The following FRMD5 variants were observed in gnomAD, a reference collection of about 807,000 sequenced individuals.
FRMD5 encodes FERM domain containing 5, also known as FERM domain-containing protein 5.
Under a neutral mutation model 69.0 loss-of-function variants are expected in FRMD5, and 20 were observed. The observed-to-expected ratio is 0.29, with a 90% confidence interval of 0.20 to 0.42. The LOEUF (loss-of-function observed/expected upper bound fraction) is 0.42, where lower values mean the gene tolerates loss of function less well. FRMD5 is among the 10% of genes least tolerant of loss of function. FRMD5 has a pLI of 1.00. For synonymous variants in FRMD5, 271 were observed against 260.1 expected (o/e 1.04, Z -0.40); for missense variants, 595 against 708.6 (o/e 0.84, Z 1.82).
intron 7 of FRMD5, among the ~76,000 whole-genome samples, chr15:43,892,866 G>A (rs1390680149): frequency 6.6e-6 from 1 of 152,200 alleles, no homozygotes; most frequent in East Asian, 1.9e-4. Context: ...CACTTTGGGA[G>A]GCCGAGGCAG....
At chr15:44,011,605 T>C (rs1414077518) in intron 1 of FRMD5, among the ~76,000 whole-genome samples, 1 of 152,158 alleles carries the variant, frequency 6.6e-6, no homozygotes, top group Non-Finnish European at 1.5e-5. Context: ...TGTGAGACTA[T>C]TATGCATACA....
intron 1 of FRMD5, among the ~76,000 whole-genome samples, chr15:44,147,696 C>T (rs1223421915): frequency 2.0e-5 from 3 of 152,158 alleles, no homozygotes; most frequent in Admixed American, 6.5e-5. Context: ...CCCACCTAGA[C>T]AACAAATCTG....
intron 1 of FRMD5, among the ~76,000 whole-genome samples, chr15:44,102,971 C>T (rs879707442): frequency 6.6e-6 from 1 of 152,166 alleles, no homozygotes; most frequent in African/African-American, 2.4e-5. Flanking sequence ...GAACAAAAGC[C>T]TTGCCTACAC....
chr15:43,891,968 T>C lies in FRMD5; in HGVS notation c.728+13A>G. The stretch of plus-strand genomic sequence containing the variant: ...AGATATAAAGAGCCTATTTTGGAAA[T>C]GAAGATGCTCACCATTTAATGAAGT... On this transcript the variant is annotated intron_variant, in intron 8 of 13. Transcript: ENST00000417257. The C allele has an allele frequency of 6.2e-7, 1 of 1,611,136 alleles. No individual in the cohort carries two copies. The highest frequency in any genetic ancestry group is 8.5e-7 in the Non-Finnish European group (1 of 1,177,306).
intron 1 of FRMD5, among the ~76,000 whole-genome samples, chr15:44,012,236 G>C (rs566653395): frequency 1.3e-5 from 2 of 152,214 alleles, no homozygotes; most frequent in South Asian, 2.1e-4. Flanking sequence ...AATGGACTGC[G>C]GATAGAGAGG....
chr15:43,922,668 C>CT (rs397970648), intron 2 of FRMD5, among the ~76,000 whole-genome samples: 6,123 of 139,760 alleles, frequency 0.044, 377 homozygotes, highest in African/African-American at 0.14. Flanking sequence ...ACTGGCCCTC[C>CT]TTTTTTTTTT....
intron 1 of FRMD5, among the ~76,000 whole-genome samples, chr15:44,105,402 C>T (rs2076702533): frequency 2.0e-5 from 3 of 152,180 alleles, no homozygotes; most frequent in African/African-American, 7.2e-5. Context: ...GTGTGGAAGG[C>T]AAAATTTCTT....
chr15:44,064,115 T>C (rs985301002), intron 1 of FRMD5: 2 of 215,248 alleles, frequency 9.3e-6, no homozygotes, highest in Non-Finnish European at 1.8e-5. Flanking sequence ...GGCTGTGGAA[T>C]TTTCCAGAAC....
At chr15:43,893,716 G>C (rs1484591752) in intron 7 of FRMD5, among the ~76,000 whole-genome samples, 2 of 152,118 alleles carry the variant, frequency 1.3e-5, no homozygotes, top group African/African-American at 4.8e-5. Context: ...GAGGCTGCTG[G>C]GCCAGGTCAG....
At chr15:44,052,804 G>C (rs1383117993) in intron 1 of FRMD5, among the ~76,000 whole-genome samples, 3 of 152,134 alleles carry the variant, frequency 2.0e-5, no homozygotes, top group Non-Finnish European at 4.4e-5. Flanking sequence ...GGGCCTTAGA[G>C]AATACTGAAT....
At chr15:44,112,758 G>A (rs970842942) in intron 1 of FRMD5, among the ~76,000 whole-genome samples, 4 of 149,966 alleles carry the variant, frequency 2.7e-5, no homozygotes, top group African/African-American at 4.9e-5. Flanking sequence ...CTGAGCCACC[G>A]CGCCTGGCCT....
intron 1 of FRMD5, among the ~76,000 whole-genome samples, chr15:44,088,529 T>G (rs1894299230): frequency 1.3e-5 from 2 of 152,206 alleles, no homozygotes; most frequent in African/African-American, 4.8e-5. Context: ...TGATTCCATG[T>G]GTGCACCTCT....
chr15:44,069,487 T>TA (rs199585914), intron 1 of FRMD5, among the ~76,000 whole-genome samples: 4,400 of 146,400 alleles, frequency 0.03, 167 homozygotes, highest in African/African-American at 0.092. Flanking sequence ...TACTCAGCAA[T>TA]AAAAAAAAAA....
At chr15:43,878,751 G>T (rs1442953705) in intron 13 of FRMD5, among the ~76,000 whole-genome samples, 1 of 152,076 alleles carries the variant, frequency 6.6e-6, no homozygotes, top group Non-Finnish European at 1.5e-5. Context: ...TTCAAAGTAT[G>T]AAAAGCTTAG....
chr15:44,190,782 T>C (rs1385467364), intron 1 of FRMD5, among the ~76,000 whole-genome samples: 13 of 152,210 alleles, frequency 8.5e-5, no homozygotes, highest in Admixed American at 8.5e-4. Flanking sequence ...GAAGTTAACA[T>C]AGCAATCATG....
chr15:44,043,363 A>G (rs141498318), intron 1 of FRMD5, among the ~76,000 whole-genome samples: 84 of 152,348 alleles, frequency 5.5e-4, no homozygotes, highest in African/African-American at 1.9e-3. Flanking sequence ...AGTAATTTAC[A>G]GAATGAATGC....
intron 1 of FRMD5, among the ~76,000 whole-genome samples, chr15:44,007,789 G>A (rs1309560935): frequency 6.6e-6 from 1 of 151,556 alleles, no homozygotes; most frequent in African/African-American, 2.4e-5. Context: ...GGGATTATAG[G>A]CATGTGCCAC....
intron 7 of FRMD5, chr15:43,901,974 C>G (rs1271694924): frequency 1.8e-6 from 1 of 555,048 alleles, no homozygotes; most frequent in African/African-American, 1.9e-5. Context: ...CTCGGTTCCT[C>G]TGACATTGAT....
intron 1 of FRMD5, among the ~76,000 whole-genome samples, chr15:44,106,996 C>T (rs201323094): frequency 6.6e-6 from 1 of 151,994 alleles, no homozygotes; most frequent in East Asian, 1.9e-4. Context: ...TGCATCAATT[C>T]AAGAAAAGAA....
Sources: allele counts gnomAD v4.1 joint callset (sites outside exome capture counted in the v4.1 genomes callset), GRCh38; gene constraint gnomAD v4.1.1; transcripts MANE v1.5; gene names NCBI Gene and HGNC (gene_info 2026-07-23, HGNC 2026-07-21).